CUL5: variants seen among roughly 807,000 people sequenced by gnomAD.
CUL5 encodes the protein cullin-5.
A neutral mutation model predicts 108.8 loss-of-function variants in CUL5; 26 were observed. The ratio of observed to expected loss-of-function variants is 0.24; its 90% confidence interval spans 0.18 to 0.33. The LOEUF (loss-of-function observed/expected upper bound fraction) is 0.33, where lower values mean the gene tolerates loss of function less well. CUL5 is among the 10% of genes least tolerant of loss of function. The pLI is 1.00. For missense variants in CUL5, 524 were observed against 909.2 expected (o/e 0.58, Z 5.45); for synonymous variants, 334 against 298.0 (o/e 1.12, Z -1.25).
At chr11:108,034,517 G>A (rs1239215892) in intron 2 of CUL5, among the ~76,000 whole-genome samples, 1 of 152,178 alleles carries the variant, frequency 6.6e-6, no homozygotes, top group African/African-American at 2.4e-5. Context: ...ATTTCTAGGG[G>A]ATGCAGTCTC....
chr11:108,047,749 A>G (rs1863101759), intron 3 of CUL5, among the ~76,000 whole-genome samples: 1 of 152,242 alleles, frequency 6.6e-6, no homozygotes. Context: ...TTTTCTTAGA[A>G]CTAATTTAGA....
intron 8 of CUL5, 131 bp from the exon 9 acceptor site, chr11:108,072,201 A>C (rs921021531): frequency 6.9e-5 from 49 of 711,068 alleles, no homozygotes; most frequent in Non-Finnish European, 9.0e-5. Context: ...ACAACAACAA[A>C]AAAACGAACA....
chr11:108,042,401 T>A (rs935942675), intron 2 of CUL5, among the ~76,000 whole-genome samples: 10 of 152,018 alleles, frequency 6.6e-5, no homozygotes, highest in Non-Finnish European at 1.2e-4. Context: ...GTATTTTTTT[T>A]AGTAGAGACG....
chr11:108,099,950 T>C (rs963202928), intron 18 of CUL5, among the ~76,000 whole-genome samples: 2 of 151,974 alleles, frequency 1.3e-5, no homozygotes, highest in African/African-American at 4.8e-5. Flanking sequence ...TCCTTCAGCC[T>C]TCCCAGTAGC....
intron 1 of CUL5, among the ~76,000 whole-genome samples, chr11:108,012,722 G>A (rs1862085414): frequency 6.6e-6 from 1 of 151,802 alleles, no homozygotes; most frequent in Non-Finnish European, 1.5e-5. Flanking sequence ...TCAACCTCCT[G>A]AGTAGCTGGG....
At chr11:108,094,269 TAATA>T in intron 13 of CUL5, 118 bp from the exon 14 acceptor site, 5 of 738,472 alleles carry the variant, frequency 6.8e-6, no homozygotes, top group Non-Finnish European at 1.1e-5. Context: ...AATAAAATTC[TAATA>T]AATGAGAAAA....
At chr11:108,012,691 G>C (rs1464495769) in intron 1 of CUL5, among the ~76,000 whole-genome samples, 1 of 151,856 alleles carries the variant, frequency 6.6e-6, no homozygotes, top group African/African-American at 2.4e-5. Context: ...CCGCCTCCCA[G>C]GTTCAAGCAA....
intron 1 of CUL5, among the ~76,000 whole-genome samples, chr11:108,028,980 A>G (rs1022090196): frequency 6.6e-6 from 1 of 152,200 alleles, no homozygotes; most frequent in African/African-American, 2.4e-5. Flanking sequence ...AGTTACTTCT[A>G]TGACCTTATC....
At chr11:108,010,006 T>C (rs1024279317) in intron 1 of CUL5, among the ~76,000 whole-genome samples, 1 of 152,266 alleles carries the variant, frequency 6.6e-6, no homozygotes, top group Non-Finnish European at 1.5e-5. Context: ...GATGAAGCGA[T>C]ACCATCGTTT....
At position 108,030,366 on chromosome 11, in the gene CUL5, G is replaced by A. The variant is rs1187579983; in HGVS notation, c.25-3436G>A. 4.6e-5 allele frequency among the ~76,000 whole-genome samples: 7 copies of A among 152,308 alleles called. No individual in the cohort carries two copies. The South Asian group carries it at 1.0e-3, about 23-fold the overall frequency. ...TGATAAGAATACAGTGGCTGGGTGC[G>A]GTGGCTCACGCCTGTAATCCTAGCA... On this transcript the variant is annotated intron_variant, in intron 1 of 18. Coordinates refer to ENST00000393094, the MANE Select transcript of CUL5 (RefSeq NM_003478.6).
intron 16 of CUL5, 120 bp from the exon 17 acceptor site, chr11:108,097,516 C>A (rs1864531154): frequency 1.7e-6 from 1 of 604,984 alleles, no homozygotes; most frequent in African/African-American, 1.8e-5. Context: ...ATGGAAGTAC[C>A]ACACATTTTA....
At chr11:108,048,251 CAAAAA>C (rs537658328) in intron 3 of CUL5, among the ~76,000 whole-genome samples, 2 of 141,464 alleles carry the variant, frequency 1.4e-5, no homozygotes, top group East Asian at 4.1e-4. Flanking sequence ...TTTTAAAGAA[CAAAAA>C]AAAAAGTAAA....
intron 1 of CUL5, among the ~76,000 whole-genome samples, chr11:108,020,054 C>T (rs992435597): frequency 6.6e-6 from 1 of 152,148 alleles, no homozygotes; most frequent in Admixed American, 6.5e-5. Context: ...CACTGGCATT[C>T]ATCTGTACAT....
intron 2 of CUL5, among the ~76,000 whole-genome samples, chr11:108,043,800 AG>A (rs1317289801): frequency 1.3e-5 from 2 of 152,200 alleles, no homozygotes; most frequent in Admixed American, 6.5e-5. Flanking sequence ...AGGCCAAGGC[AG>A]GTGGATCACC....
At chr11:108,027,820 T>C (rs1862488763) in intron 1 of CUL5, among the ~76,000 whole-genome samples, 1 of 152,236 alleles carries the variant, frequency 6.6e-6, no homozygotes, top group African/African-American at 2.4e-5. Flanking sequence ...GCTGTTTCAG[T>C]GGTTATCTTA....
intron 1 of CUL5, among the ~76,000 whole-genome samples, chr11:108,012,744 A>G (rs891034244): frequency 6.6e-6 from 1 of 151,768 alleles, no homozygotes; most frequent in Non-Finnish European, 1.5e-5. Context: ...TTACAGGCAC[A>G]CGCCACCACA....
chr11:108,053,249 A>G (rs771872973), intron 5 of CUL5, among the ~76,000 whole-genome samples: 1 of 152,074 alleles, frequency 6.6e-6, no homozygotes, highest in Non-Finnish European at 1.5e-5. Flanking sequence ...GGCCTTTCTT[A>G]ATTCCCAGAG....
intron 1 of CUL5, among the ~76,000 whole-genome samples, chr11:108,026,679 A>G (rs911051715): frequency 1.3e-5 from 2 of 152,166 alleles, no homozygotes; most frequent in African/African-American, 2.4e-5. Flanking sequence ...GCATACAATC[A>G]TACTGTATCC....
chr11:108,097,573 G>C (rs1000671104), intron 16 of CUL5, 63 bp from the exon 17 acceptor site: 1 of 885,496 alleles, frequency 1.1e-6, no homozygotes, highest in Admixed American at 2.0e-5. Context: ...TTATGTGGGA[G>C]AATTGATCTT....
Sources: allele counts gnomAD v4.1 joint callset (sites outside exome capture counted in the v4.1 genomes callset), GRCh38; gene constraint gnomAD v4.1.1; transcripts MANE v1.5; gene names NCBI Gene and HGNC (gene_info 2026-07-23, HGNC 2026-07-21).